PDZD2: variants seen among roughly 807,000 people sequenced by gnomAD.
The protein encoded by PDZD2 is PDZ domain containing 2, also known as PDZ domain-containing protein 2.
A neutral mutation model predicts 220.7 loss-of-function variants in PDZD2; 90 were observed. The observed-to-expected ratio is 0.41, with a 90% confidence interval of 0.34 to 0.49. The LOEUF (loss-of-function observed/expected upper bound fraction) is 0.49. PDZD2 is among the 20% of genes least tolerant of loss of function. The pLI, the probability that PDZD2 is intolerant of heterozygous loss-of-function variation, is 0.28. For missense variants in PDZD2, 3,174 were observed against 3,608.5 expected (o/e 0.88, Z 3.08); for synonymous variants, 1,375 against 1,450.5 (o/e 0.95, Z 1.18).
At chr5:32,097,896 T>C (rs1468156958) in intron 22 of PDZD2, among the ~76,000 whole-genome samples, 2 of 152,214 alleles carry the variant, frequency 1.3e-5, no homozygotes, top group Non-Finnish European at 2.9e-5. Flanking sequence ...TTGACATTTG[T>C]GTTCCATCCC....
chr5:32,033,882 G>T (rs1157201029), intron 6 of PDZD2, among the ~76,000 whole-genome samples: 1 of 152,146 alleles, frequency 6.6e-6, no homozygotes, highest in Non-Finnish European at 1.5e-5. Context: ...GCCTTCCAGA[G>T]TGCTGGGATT....
At chr5:31,879,603 G>C (rs1056315208) in intron 2 of PDZD2, among the ~76,000 whole-genome samples, 2 of 152,138 alleles carry the variant, frequency 1.3e-5, no homozygotes, top group African/African-American at 4.8e-5. Flanking sequence ...GGCAAACTCA[G>C]TTTGTCCGCT....
In PDZD2 at chr5:32,089,553, G is replaced by A. The variant is rs145188510; in HGVS notation, c.6105G>A (p.Pro2035=). The A allele has an allele frequency of 4.0e-5, 65 of 1,611,990 alleles. No individual in the cohort carries two copies. Among genetic ancestry groups the A allele is most frequent in the African/African-American group, 5.3e-5 (4 of 74,940 alleles). Residue 2035 remains proline (P), a synonymous_variant, in exon 20 of 25, where the codon CCG becomes CCA. Transcript: ENST00000438447. Reference sequence around the variant, plus strand: ...GGGCGCCCCGTGCTGACTCCGGGCCGGTGAGTCCGGCAGCGTCTAGGAACG... The same window carrying A: ...GGGCGCCCCGTGCTGACTCCGGGCCAGTGAGTCCGGCAGCGTCTAGGAACG... ...EGRAPRADSG[P]VSPAASRNGM...
chr5:31,948,192 CT>C (rs34470457), intron 2 of PDZD2, among the ~76,000 whole-genome samples: 2 of 152,130 alleles, frequency 1.3e-5, no homozygotes, highest in Non-Finnish European at 2.9e-5. Flanking sequence ...ACCCTCTGCC[CT>C]TTTTGTGGTG....
intron 1 of PDZD2, among the ~76,000 whole-genome samples, chr5:31,793,232 T>C (rs1288329639): frequency 8.5e-6 from 1 of 117,600 alleles, no homozygotes; most frequent in African/African-American, 3.3e-5. Flanking sequence ...CCTTGTTTTA[T>C]AAGGTGGTTG....
At chr5:31,995,769 C>A (rs1269738160) in intron 4 of PDZD2, 51 bp downstream of exon 4, 6 of 1,514,420 alleles carry the variant, frequency 4.0e-6, no homozygotes, top group South Asian at 1.2e-5. Flanking sequence ...CCTCTCCTTC[C>A]CTCTCCCTCC....
chr5:31,750,661 G>T (rs1750901362), intron 1 of PDZD2, among the ~76,000 whole-genome samples: 1 of 152,132 alleles, frequency 6.6e-6, no homozygotes, highest in Non-Finnish European at 1.5e-5. Flanking sequence ...ATAGTTTCAG[G>T]CAGAGGGAAC....
At chr5:32,096,035 A>G (rs1336128921) in intron 21 of PDZD2, among the ~76,000 whole-genome samples, 3 of 148,036 alleles carry the variant, frequency 2.0e-5, no homozygotes, top group East Asian at 4.1e-4. Context: ...GAGCCACCGC[A>G]CCCGGCGTAG....
chr5:31,718,694 A>ATTTTTTTTTTTTT, intron 1 of PDZD2, among the ~76,000 whole-genome samples: 1 of 74,618 alleles, frequency 1.3e-5, no homozygotes, highest in Non-Finnish European at 2.5e-5. Context: ...TAACAGCCTC[A>ATTTTTTTTTTTTT]TTTTTTTTTT....
In PDZD2 at chr5:31,897,153, C is replaced by A. The variant is rs576304325; in HGVS notation, c.477-86002C>A. Among the ~76,000 whole-genome samples the A allele has an allele frequency of 1.2e-3, 183 of 151,740 alleles. 6 individuals are homozygous for A. The highest frequency in any genetic ancestry group is 1.2e-3 in the Admixed American group (19 of 15,250). ...GGTTAAACTATTTTTTTTCCTGCTG[C>A]AGAAACATATTTATATTTAAAAATA... On this transcript the variant is annotated intron_variant, in intron 2 of 24. Transcript: ENST00000438447.
Position 32,087,524 on chromosome 5 carries a change from G to C in PDZD2, c.4076G>C (p.Ser1359Thr), listed in dbSNP as rs778056637. The C allele has an allele frequency of 1.2e-6, 2 of 1,613,524 alleles. No individual in the cohort carries two copies. The highest frequency in any genetic ancestry group is 1.7e-6 in the Non-Finnish European group (2 of 1,179,710). Reference protein sequence around the residue: ...EQRQGAPGNHSKALEMTGIHA... With the variant: ...EQRQGAPGNHTKALEMTGIHA... ...AGACAGGGAGCTCCAGGTAACCACAGTAAGGCTCTGGAAATGACAGGAATC... is the reference window on the plus strand; with the variant it reads ...AGACAGGGAGCTCCAGGTAACCACACTAAGGCTCTGGAAATGACAGGAATC... The change falls in exon 20 of 25, where the codon AGT becomes ACT. Residue 1359 changes from serine (S) to threonine (T), a missense_variant. By Grantham distance (58) the Ser-to-Thr change is moderately conservative. Around this residue, in one of 4 missense-constraint regions of PDZD2, gnomAD observed 1,861 missense variants for 2,001.0 expected, o/e 0.93. Transcript: ENST00000438447. This position sits in a 1 kb window ranked among gnomAD's most constrained non-coding sequence, Gnocchi z 4.0.
chr5:32,087,870 A>G lies in PDZD2; in HGVS notation c.4422A>G (p.Pro1474=), dbSNP rs769216487. The change falls in exon 20 of 25, where the codon CCA becomes CCG. Residue 1474 remains proline (P), a synonymous_variant. Coordinates refer to ENST00000438447, the MANE Select transcript of PDZD2 (RefSeq NM_178140.4). This position sits in a 1 kb window ranked among gnomAD's most constrained non-coding sequence, Gnocchi z 4.0. ...GTGGGAGCTCCTGCCGTGCCGAACCAGTCCCGGGGGGCCAGACCTCCTCCC... is the reference window on the plus strand; with the variant it reads ...GTGGGAGCTCCTGCCGTGCCGAACCGGTCCCGGGGGGCCAGACCTCCTCCC... ...AGGGSSCRAE[P]VPGGQTSSPR... The G allele has an allele frequency of 6.2e-7, 1 of 1,612,270 alleles. No homozygotes were observed. The highest frequency in any genetic ancestry group is 8.5e-7 in the Non-Finnish European group (1 of 1,179,384).
intron 2 of PDZD2, among the ~76,000 whole-genome samples, chr5:31,959,696 G>A (rs563458317): frequency 2.6e-5 from 4 of 152,284 alleles, no homozygotes; most frequent in African/African-American, 7.2e-5. Context: ...AATCTAAAGC[G>A]AGGGAAGAAG....
intron 2 of PDZD2, among the ~76,000 whole-genome samples, chr5:31,936,971 T>G (rs1435936913): frequency 2.0e-5 from 3 of 151,550 alleles, no homozygotes; most frequent in African/African-American, 7.3e-5. Context: ...GTGGGGGGAG[T>G]GCAGAGGGTT....
At chr5:31,703,949 CTCTCTCTT>C (rs1049464921) in intron 1 of PDZD2, among the ~76,000 whole-genome samples, 5 of 128,384 alleles carry the variant, frequency 3.9e-5, no homozygotes, top group Non-Finnish European at 7.0e-5. Context: ...CTCTCTCTTT[CTCTCTCTT>C]TCTCTCTCTC....
chr5:31,797,547 C>T (rs551376500), intron 1 of PDZD2, among the ~76,000 whole-genome samples: 1 of 149,790 alleles, frequency 6.7e-6, no homozygotes, highest in Admixed American at 6.6e-5. Context: ...GTTGGCCAGA[C>T]TGGTCTCGAA....
chr5:31,735,694 C>A (rs1561417726), intron 1 of PDZD2, among the ~76,000 whole-genome samples: 4 of 152,136 alleles, frequency 2.6e-5, no homozygotes, highest in Admixed American at 1.3e-4. Context: ...CCCCTGTAAT[C>A]CCAGCACATT....
intron 1 of PDZD2, among the ~76,000 whole-genome samples, chr5:31,678,922 T>TC (rs200556276): frequency 2.6e-5 from 4 of 152,038 alleles, no homozygotes; most frequent in Non-Finnish European, 4.4e-5. Flanking sequence ...TTCTTTTTTT[T>TC]CCCCCCTTTT....
intron 1 of PDZD2, among the ~76,000 whole-genome samples, chr5:31,785,888 C>A (rs1753352569): frequency 6.6e-6 from 1 of 152,080 alleles, no homozygotes; most frequent in African/African-American, 2.4e-5. Context: ...CTCACGTCTT[C>A]TTACAGTCGC....
Sources: gnomAD v4.1 joint callset for allele counts (sites outside exome capture counted in the v4.1 genomes callset) on GRCh38, gnomAD v4.1.1 for gene constraint, gnomAD v4.1.1 regional missense constraint, Gnocchi (gnomAD v3.1) non-coding constraint, MANE v1.5 for transcripts, NCBI Gene and HGNC (gene_info 2026-07-23, HGNC 2026-07-21) for gene names.